The following PRKN variants were observed in gnomAD, a reference collection of about 807,000 sequenced individuals.
PRKN encodes the protein E3 ubiquitin-protein ligase parkin.
In PRKN, 56 loss-of-function variants were observed where a neutral mutation model predicts 59.5. The observed-to-expected ratio is 0.94, with a 90% CI of 0.76 to 1.18. The LOEUF is 1.18. Ranked by LOEUF, PRKN falls within the 50% of genes most tolerant of loss-of-function variation. The probability of loss-of-function intolerance (pLI) is 0.00; values close to 1 mark genes in which losing one functional copy is unlikely to be tolerated. For missense variants in PRKN, 657 were observed against 596.4 expected, an observed-to-expected ratio of 1.10 and a Z score of -1.06; for synonymous variants, 250 against 222.1, an observed-to-expected ratio of 1.13 and a Z score of -1.12.
At chr6:162,309,858 C>T (rs1314124197) in intron 2 of PRKN, among the ~76,000 whole-genome samples, 1 of 152,104 alleles carries the variant, frequency 6.6e-6, no homozygotes, top group Non-Finnish European at 1.5e-5. Context: ...TAATCTCCTT[C>T]CTCTCATCCT....
At chr6:161,880,291 A>G (rs1794883966) in intron 6 of PRKN, among the ~76,000 whole-genome samples, 1 of 152,186 alleles carries the variant, frequency 6.6e-6, no homozygotes, top group Non-Finnish European at 1.5e-5. Flanking sequence ...ACATGTGCTA[A>G]GATATATAAT....
rs985304743 is a variant in PRKN, at chr6:161,439,481, A to G, written c.1084-52604T>C. Among the ~76,000 whole-genome samples the G allele has an allele frequency of 6.6e-5, 10 of 152,342 alleles. No homozygotes were observed. In the East Asian group the frequency reaches 1.7e-3, roughly 26 times the overall value. On this transcript the variant is annotated intron_variant, in intron 9 of 11. Coordinates refer to ENST00000366898, the MANE Select transcript of PRKN (RefSeq NM_004562.3). ...GATAAATGGCAGTGTGCAATCACCCAAAGCTCTGTTTACAACCCGAAGGCA... is the reference window on the plus strand; with the variant it reads ...GATAAATGGCAGTGTGCAATCACCCGAAGCTCTGTTTACAACCCGAAGGCA...
chr6:162,039,033 G>A (rs1187878898), intron 5 of PRKN, among the ~76,000 whole-genome samples: 1 of 152,088 alleles, frequency 6.6e-6, no homozygotes, highest in Admixed American at 6.5e-5. Context: ...GCGGACGCCT[G>A]TAGTCCCAGC....
intron 7 of PRKN, among the ~76,000 whole-genome samples, chr6:161,595,088 A>G (rs1781865931): frequency 6.6e-6 from 1 of 152,210 alleles, no homozygotes; most frequent in Admixed American, 6.5e-5. Flanking sequence ...TAAACCTACA[A>G]TGTAATTGTT....
intron 2 of PRKN, among the ~76,000 whole-genome samples, chr6:162,359,079 A>ATATATATATATATATAT (rs1554304694): frequency 1.2e-5 from 1 of 83,248 alleles, no homozygotes; most frequent in African/African-American, 7.3e-5. Flanking sequence ...AAAAAAAAAA[A>ATATATATATATATATAT]ATATATATAT....
At chr6:162,101,351 G>A (rs946311908) in intron 4 of PRKN, among the ~76,000 whole-genome samples, 17 of 151,400 alleles carry the variant, frequency 1.1e-4, no homozygotes, top group African/African-American at 3.9e-4. Context: ...TCCCCGTTAT[G>A]TATTCTTGGC....
intron 7 of PRKN, among the ~76,000 whole-genome samples, chr6:161,764,640 A>G: frequency 6.6e-6 from 1 of 152,338 alleles, no homozygotes; most frequent in African/African-American, 2.4e-5. Flanking sequence ...ATGTGAAATA[A>G]AAACAGGAAA....
chr6:161,971,595 G>C (rs1481856180), intron 6 of PRKN, among the ~76,000 whole-genome samples: 1 of 152,196 alleles, frequency 6.6e-6, no homozygotes, highest in African/African-American at 2.4e-5. Flanking sequence ...AGAGGCTGAA[G>C]CGCTATATTT....
rs3066554 is a variant in PRKN at position 161,678,216 on chromosome 6, CTTTTTTTTTTTTT to C, written c.871+107543_871+107555del. 3.6e-3 allele frequency among the ~76,000 whole-genome samples: 232 copies of C among 64,960 alleles called. 2 individuals are homozygous for C. The highest frequency in any genetic ancestry group is 0.017 in the African/African-American group (211 of 12,702). The allele number at this position is 64,960 out of a possible 152,430, so 42.6% of individuals were successfully genotyped here. A position where few individuals can be genotyped will look rare whatever the true frequency, so the allele number is the denominator to read the frequency against. ...TTATGGTAATAACAATACTGAATCACTTTTTTTTTTTTTTTTTTTTTTTTTTTTTTTTGGTGAA... is the reference window on the plus strand; with the variant it reads ...TTATGGTAATAACAATACTGAATCACTTTTTTTTTTTTTTTTTTTGGTGAA... On this transcript the variant is annotated intron_variant, in intron 7 of 11. Transcript: ENST00000366898.
chr6:161,583,016 AC>A (rs2128138559), intron 7 of PRKN, among the ~76,000 whole-genome samples: 1 of 133,268 alleles, frequency 7.5e-6, no homozygotes, highest in East Asian at 2.7e-4. Context: ...ACACACACAC[AC>A]ACACATACAC....
intron 6 of PRKN, among the ~76,000 whole-genome samples, chr6:161,876,240 C>G (rs1232766683): frequency 6.6e-6 from 1 of 152,098 alleles, no homozygotes; most frequent in Non-Finnish European, 1.5e-5. Context: ...TGAATATCTC[C>G]CATCATCCTT....
intron 1 of PRKN, among the ~76,000 whole-genome samples, chr6:162,706,510 T>C (rs1397019683): frequency 1.3e-5 from 2 of 152,146 alleles, no homozygotes; most frequent in East Asian, 3.9e-4. Flanking sequence ...AATAAGAGAA[T>C]TGGGGAAATA....
chr6:162,530,662 A>G (rs1443922746), intron 1 of PRKN, among the ~76,000 whole-genome samples: 1 of 144,314 alleles, frequency 6.9e-6, no homozygotes, highest in Admixed American at 6.8e-5. Flanking sequence ...ATGAAGTCCA[A>G]GTCATGCATG....
intron 2 of PRKN, among the ~76,000 whole-genome samples, 167 bp downstream of exon 2, chr6:162,443,143 T>A (rs1262959066): frequency 6.6e-6 from 1 of 152,164 alleles, no homozygotes; most frequent in African/African-American, 2.4e-5. Flanking sequence ...TTTTAATGCA[T>A]AATTAAGAAG....
At chr6:161,887,918 A>C (rs1795214732) in intron 6 of PRKN, among the ~76,000 whole-genome samples, 1 of 152,206 alleles carries the variant, frequency 6.6e-6, no homozygotes, top group Admixed American at 6.5e-5. Context: ...GAATATTTCC[A>C]CTGTTTTATG....
intron 2 of PRKN, among the ~76,000 whole-genome samples, chr6:162,307,892 G>T (rs1191620570): frequency 6.6e-6 from 1 of 152,206 alleles, no homozygotes; most frequent in Non-Finnish European, 1.5e-5. Context: ...GAGATCAAGA[G>T]TGTTATACAG....
intron 6 of PRKN, among the ~76,000 whole-genome samples, chr6:161,945,566 TC>T (rs1779748109): frequency 6.6e-6 from 1 of 152,158 alleles, no homozygotes; most frequent in Non-Finnish European, 1.5e-5. Flanking sequence ...TTCAAAGCCT[TC>T]TAGGACTTAA....
At position 162,650,905 on chromosome 6, in the gene PRKN, G is replaced by GTTTT. The variant is rs2128226507; in HGVS notation, c.7+76756_7+76757insAAAA. On this transcript the variant is annotated intron_variant, in intron 1 of 11. Coordinates refer to ENST00000366898, the MANE Select transcript of PRKN (RefSeq NM_004562.3). ...CAGCATGGGTGTGACAACTGTTTCAGAAAGCAAAGTCCCAAATGCCCCAAA... is the reference window on the plus strand; with the variant it reads ...CAGCATGGGTGTGACAACTGTTTCAGTTTTAAAGCAAAGTCCCAAATGCCCCAAA... Among the ~76,000 whole-genome samples, 2 of 152,248 alleles carry GTTTT rather than the reference G, an allele frequency of 1.3e-5. 1 individual carries two copies. Among genetic ancestry groups the GTTTT allele is most frequent in the South Asian group, 4.1e-4 (2 of 4,822 alleles).
chr6:161,921,118 C>T (rs1032544637), intron 6 of PRKN, among the ~76,000 whole-genome samples: 1 of 152,114 alleles, frequency 6.6e-6, no homozygotes, highest in African/African-American at 2.4e-5. Flanking sequence ...TCCTTTATAT[C>T]TGTATTCTAT....
Sources: gnomAD v4.1 joint callset for allele counts (sites outside exome capture counted in the v4.1 genomes callset) on GRCh38, gnomAD v4.1.1 for gene constraint, MANE v1.5 for transcripts, NCBI Gene and HGNC (gene_info 2026-07-23, HGNC 2026-07-21) for gene names.